NCAM1: variants seen among roughly 807,000 people sequenced by gnomAD.
NCAM1 encodes antigen recognized by monoclonal antibody 5.1H11.
A neutral mutation model predicts 109.8 loss-of-function variants in NCAM1; 14 were observed. The observed-to-expected ratio is 0.13, with a 90% confidence interval of 0.08 to 0.20. NCAM1 has a LOEUF of 0.20. NCAM1 is among the 10% of genes least tolerant of loss of function. The pLI, the probability that NCAM1 is intolerant of heterozygous loss-of-function variation, is 1.00. For synonymous variants in NCAM1, 418 were observed against 442.9 expected, an observed-to-expected ratio of 0.94 and a Z score of 0.70; for missense variants, 774 against 1,109.9, an observed-to-expected ratio of 0.70 and a Z score of 4.30.
At chr11:113,033,704 A>T (rs1458628611) in intron 1 of NCAM1, among the ~76,000 whole-genome samples, 1 of 152,168 alleles carries the variant, frequency 6.6e-6, no homozygotes, top group Non-Finnish European at 1.5e-5. Context: ...TATAAAAAGC[A>T]CTTTCATTCT....
intron 1 of NCAM1, among the ~76,000 whole-genome samples, chr11:113,182,949 T>C (rs1943379150): frequency 6.6e-6 from 1 of 152,104 alleles, no homozygotes; most frequent in Non-Finnish European, 1.5e-5. Flanking sequence ...AGGACTGGGG[T>C]GAGCCAGCCC....
chr11:113,048,460 G>T (rs1745831660), intron 1 of NCAM1, among the ~76,000 whole-genome samples: 1 of 152,170 alleles, frequency 6.6e-6, no homozygotes, highest in Non-Finnish European at 1.5e-5. Flanking sequence ...GCTACCTGTG[G>T]TTGAATTACT....
intron 1 of NCAM1, among the ~76,000 whole-genome samples, chr11:113,193,257 G>A (rs1943742639): frequency 6.6e-6 from 1 of 152,182 alleles, no homozygotes; most frequent in Non-Finnish European, 1.5e-5. Flanking sequence ...CTGGCTATGT[G>A]CTTGATCCAC....
At chr11:113,142,119 C>G (rs1209160865) in intron 1 of NCAM1, among the ~76,000 whole-genome samples, 1 of 152,102 alleles carries the variant, frequency 6.6e-6, no homozygotes, top group Non-Finnish European at 1.5e-5. Flanking sequence ...TTATTGGGTG[C>G]CTCCCCAGTA....
intron 1 of NCAM1, among the ~76,000 whole-genome samples, chr11:113,104,318 A>G (rs988603892): frequency 6.6e-6 from 1 of 151,596 alleles, no homozygotes; most frequent in Non-Finnish European, 1.5e-5. Context: ...GCCCTACTAC[A>G]AGGGTGAAGA....
chr11:112,996,615 A>T (rs1461877771), intron 1 of NCAM1, among the ~76,000 whole-genome samples: 1 of 152,192 alleles, frequency 6.6e-6, no homozygotes, highest in East Asian at 1.9e-4. Context: ...CTAATGTTGC[A>T]TACCTCTTGT....
At chr11:113,000,446 T>C (rs1555072187) in intron 1 of NCAM1, among the ~76,000 whole-genome samples, 1 of 152,152 alleles carries the variant, frequency 6.6e-6, no homozygotes, top group Non-Finnish European at 1.5e-5. Flanking sequence ...GTAGTAGTGA[T>C]TGTTGGAAGT....
At chr11:113,107,137 A>C (rs1194691145) in intron 1 of NCAM1, among the ~76,000 whole-genome samples, 3 of 152,226 alleles carry the variant, frequency 2.0e-5, no homozygotes, top group African/African-American at 7.2e-5. Flanking sequence ...AGTAGAAGAC[A>C]GAAATACTTG....
chr11:112,966,102 C>G (rs1555065291), intron 1 of NCAM1, among the ~76,000 whole-genome samples: 2 of 152,142 alleles, frequency 1.3e-5, no homozygotes, highest in African/African-American at 4.8e-5. Context: ...TTCAGTTTAG[C>G]AGTTATAACA....
chr11:113,171,861 G>A lies in NCAM1; in HGVS notation c.53-30518G>A, dbSNP rs543326325. 2.4e-4 allele frequency among the ~76,000 whole-genome samples: 37 copies of A among 152,252 alleles called. No homozygotes were observed. The Middle Eastern group carries it at 0.01, about 42-fold the overall frequency. ...GACCTTACTTGGTAACAGGGTCATT[G>A]CTGATATAATTAGTTAAGGTGAAGT... is the stretch of plus-strand genomic sequence containing the variant. On this transcript the variant is annotated intron_variant, in intron 1 of 19. Coordinates refer to ENST00000316851, the MANE Select transcript of NCAM1 (RefSeq NM_181351.5).
chr11:113,257,715 A>G (rs1945868439), intron 16 of NCAM1, among the ~76,000 whole-genome samples: 1 of 152,228 alleles, frequency 6.6e-6, no homozygotes, highest in Non-Finnish European at 1.5e-5. Context: ...TTTGCTAAAT[A>G]TTATAATTTT....
chr11:113,015,430 A>G (rs73004627), intron 1 of NCAM1, among the ~76,000 whole-genome samples: 14 of 152,336 alleles, frequency 9.2e-5, no homozygotes, highest in Non-Finnish European at 1.8e-4. Flanking sequence ...ATTTTATGAT[A>G]GACACTTTAA....
At chr11:113,252,799 C>CTT (rs33948720) in intron 15 of NCAM1, among the ~76,000 whole-genome samples, 4,797 of 39,708 alleles carry the variant, frequency 0.12, 1,521 homozygotes, top group Non-Finnish European at 0.14. Flanking sequence ...CTATGCCCAG[C>CTT]TTTTTTTTTT....
chr11:113,213,562 T>C (rs554705330), intron 7 of NCAM1, among the ~76,000 whole-genome samples: 15 of 152,298 alleles, frequency 9.8e-5, no homozygotes, highest in African/African-American at 2.4e-4. Flanking sequence ...CTCCCAGTCG[T>C]TGAGACTCCA....
chr11:113,035,633 G>T (rs1347640663), intron 1 of NCAM1, among the ~76,000 whole-genome samples: 1 of 152,174 alleles, frequency 6.6e-6, no homozygotes, highest in Non-Finnish European at 1.5e-5. Context: ...CATGTGTGAA[G>T]CCCATATCAT....
chr11:112,985,292 T>TATC (rs1162155104), intron 1 of NCAM1, among the ~76,000 whole-genome samples: 1 of 151,834 alleles, frequency 6.6e-6, no homozygotes, highest in Non-Finnish European at 1.5e-5. Context: ...TTTTGATTAT[T>TATC]ATCACTTTGT....
chr11:113,240,567 G>C, intron 14 of NCAM1: 1 of 565,482 alleles, frequency 1.8e-6, no homozygotes, highest in Non-Finnish European at 3.1e-6. Context: ...TGAACTGCAG[G>C]GTTTGGCAGG....
At chr11:113,121,356 G>T (rs1940949008) in intron 1 of NCAM1, among the ~76,000 whole-genome samples, 1 of 151,152 alleles carries the variant, frequency 6.6e-6, no homozygotes, top group Non-Finnish European at 1.5e-5. Context: ...AAGTAGCTGG[G>T]ACTGCAGGTG....
At position 113,232,361 on chromosome 11, in the gene NCAM1, C is replaced by A. The variant is rs782568673; in HGVS notation, c.1425+7C>A. 1 of 1,603,400 alleles carries A rather than the reference C, an allele frequency of 6.2e-7. No homozygotes were observed. The highest frequency in any genetic ancestry group is 8.5e-7 in the Non-Finnish European group (1 of 1,174,464). On this transcript the variant is annotated splice_region_variant and intron_variant, in intron 11 of 19. Coordinates refer to ENST00000316851, the MANE Select transcript of NCAM1 (RefSeq NM_181351.5). ...CTCTGCCAGCTATCTGGAGGTGAGT[C>A]AGGATGGGGGTGGGACAGAGCAGAG...
Sources: gnomAD v4.1 joint callset for allele counts (sites outside exome capture counted in the v4.1 genomes callset) on GRCh38, gnomAD v4.1.1 for gene constraint, MANE v1.5 for transcripts, NCBI Gene and HGNC (gene_info 2026-07-23, HGNC 2026-07-21) for gene names.